Variants in TMEM196 observed in about 807,000 individuals in gnomAD.
The protein encoded by TMEM196 is transmembrane protein 196.
Under a neutral mutation model 20.0 loss-of-function variants are expected in TMEM196, and 17 were observed. The ratio of observed to expected loss-of-function variants is 0.85; its 90% CI spans 0.58 to 1.27. The LOEUF is 1.27. Among genes scored for constraint, TMEM196 ranks in the 50% most tolerant of loss-of-function variants. The pLI is 0.00. For missense variants in TMEM196, 267 were observed against 223.0 expected (o/e 1.20, Z -1.26); for synonymous variants, 113 against 88.9 (o/e 1.27, Z -1.52).
chr7:19,754,127 G>T (rs1025788521), intron 1 of TMEM196, among the ~76,000 whole-genome samples: 3 of 152,154 alleles, frequency 2.0e-5, no homozygotes, highest in Admixed American at 1.3e-4. Context: ...CCATTTTCTG[G>T]CTGTGTGGCT....
At chr7:19,747,290 AAAT>A (rs1784793612) in intron 1 of TMEM196, among the ~76,000 whole-genome samples, 3 of 149,356 alleles carry the variant, frequency 2.0e-5, no homozygotes, top group Non-Finnish European at 4.4e-5. Flanking sequence ...TAAAAATAAA[AAAT>A]AAAAATAAAA....
chr7:19,772,836 A>C lies in TMEM196; in HGVS notation c.-140T>G. 1.2e-6 allele frequency: 1 copy of C among 828,720 alleles called. No individual in the cohort carries two copies. The highest frequency in any genetic ancestry group is 1.7e-6 in the Non-Finnish European group (1 of 606,060). 51.3% of individuals were successfully genotyped at this position (828,720 alleles called of 1,614,324 possible). On this transcript the variant is annotated 5_prime_UTR_variant, in exon 1 of 5. Transcript: ENST00000405844. ...TCTTCAAGAGCGAGGCATTATCCACAAGGGCTGGATTTCCAGAAACGAAGA... is the reference window on the plus strand; with the variant it reads ...TCTTCAAGAGCGAGGCATTATCCACCAGGGCTGGATTTCCAGAAACGAAGA...
intron 4 of TMEM196, among the ~76,000 whole-genome samples, chr7:19,723,704 C>A (rs191788875): frequency 6.6e-6 from 1 of 152,232 alleles, no homozygotes; most frequent in East Asian, 1.9e-4. Flanking sequence ...CCATAGTATC[C>A]ATGTGACTTT....
At chr7:19,755,894 T>A (rs1200332452) in intron 1 of TMEM196, among the ~76,000 whole-genome samples, 1 of 152,086 alleles carries the variant, frequency 6.6e-6, no homozygotes, top group African/African-American at 2.4e-5. Flanking sequence ...CCAGGCATGC[T>A]GGCATATGCC....
chr7:19,770,127 G>T (rs1354800289), intron 1 of TMEM196, among the ~76,000 whole-genome samples: 4 of 152,114 alleles, frequency 2.6e-5, no homozygotes, highest in African/African-American at 7.2e-5. Flanking sequence ...CCAAGATCAA[G>T]AATAAAATAA....
At chr7:19,735,531 T>A (rs1379098885) in intron 1 of TMEM196, among the ~76,000 whole-genome samples, 1 of 152,202 alleles carries the variant, frequency 6.6e-6, no homozygotes, top group Admixed American at 6.5e-5. Flanking sequence ...TTACTATTCT[T>A]TTCTGTACAA....
intron 1 of TMEM196, among the ~76,000 whole-genome samples, chr7:19,736,248 G>C (rs1260965476): frequency 1.3e-5 from 2 of 150,856 alleles, no homozygotes; most frequent in Non-Finnish European, 3.0e-5. Flanking sequence ...ATATTGTGCT[G>C]ATGATTGTGT....
intron 1 of TMEM196, among the ~76,000 whole-genome samples, chr7:19,751,366 C>T (rs1784954465): frequency 6.6e-6 from 1 of 152,174 alleles, no homozygotes; most frequent in South Asian, 2.1e-4. Flanking sequence ...GAATATAAAA[C>T]CAGCACTGCT....
chr7:19,758,029 T>C (rs544573684), intron 1 of TMEM196, among the ~76,000 whole-genome samples: 1 of 151,860 alleles, frequency 6.6e-6, no homozygotes, highest in East Asian at 1.9e-4. Flanking sequence ...TTTTAATTCA[T>C]ATATATTTGA....
At chr7:19,756,585 C>T (rs1022115924) in intron 1 of TMEM196, among the ~76,000 whole-genome samples, 3 of 151,932 alleles carry the variant, frequency 2.0e-5, no homozygotes, top group African/African-American at 7.3e-5. Context: ...ATGTTCTTAT[C>T]ATTTAGCTCT....
intron 1 of TMEM196, among the ~76,000 whole-genome samples, chr7:19,742,508 A>T (rs1256046758): frequency 2.0e-5 from 3 of 152,124 alleles, no homozygotes; most frequent in Non-Finnish European, 4.4e-5. Context: ...TATCACTGAA[A>T]GTAAAGAGAC....
At chr7:19,768,427 G>A (rs182535522) in intron 1 of TMEM196, among the ~76,000 whole-genome samples, 21 of 152,074 alleles carry the variant, frequency 1.4e-4, no homozygotes, top group Admixed American at 4.6e-4. Context: ...AATTCTCAGG[G>A]ATTTATAAAT....
At chr7:19,772,494 G>C (rs532542621) in intron 1 of TMEM196, 56 bp downstream of exon 1, 544 of 1,448,534 alleles carry the variant, frequency 3.8e-4, no homozygotes, top group Admixed American at 3.0e-4. Flanking sequence ...GACCATCACC[G>C]TAAAGAGGTA....
chr7:19,747,249 C>A (rs1261255200), intron 1 of TMEM196, among the ~76,000 whole-genome samples: 1 of 128,422 alleles, frequency 7.8e-6, no homozygotes, highest in African/African-American at 3.2e-5. Context: ...AGCGAGACTC[C>A]GTCTCAAAAA....
intron 1 of TMEM196, among the ~76,000 whole-genome samples, chr7:19,764,271 C>A (rs1471376704): frequency 6.6e-6 from 1 of 152,196 alleles, no homozygotes; most frequent in Non-Finnish European, 1.5e-5. Context: ...GCTTAACTGT[C>A]TTGAACTCAT....
intron 1 of TMEM196, among the ~76,000 whole-genome samples, chr7:19,741,491 T>C (rs939391028): frequency 1.3e-5 from 2 of 152,186 alleles, no homozygotes; most frequent in African/African-American, 4.8e-5. Flanking sequence ...ATCCAGTTAA[T>C]TTAAACATTT....
chr7:19,763,851 T>C (rs868148276), intron 1 of TMEM196, among the ~76,000 whole-genome samples: 8 of 152,150 alleles, frequency 5.3e-5, no homozygotes, highest in African/African-American at 1.4e-4. Flanking sequence ...CTCCATGAGA[T>C]AAGTGATAGT....
At chr7:19,763,716 C>G (rs1785519999) in intron 1 of TMEM196, among the ~76,000 whole-genome samples, 1 of 152,130 alleles carries the variant, frequency 6.6e-6, no homozygotes, top group African/African-American at 2.4e-5. Flanking sequence ...AAACCACACA[C>G]AGATTATAGA....
intron 1 of TMEM196, among the ~76,000 whole-genome samples, chr7:19,756,087 CA>C (rs34239969): frequency 1.2e-3 from 170 of 143,716 alleles, no homozygotes; most frequent in Middle Eastern, 3.5e-3. Context: ...TTCTTTTGAT[CA>C]AAAAAAAAAA....
Sources: gnomAD v4.1 joint callset for allele counts (sites outside exome capture counted in the v4.1 genomes callset) on GRCh38, gnomAD v4.1.1 for gene constraint, MANE v1.5 for transcripts, NCBI Gene and HGNC (gene_info 2026-07-23, HGNC 2026-07-21) for gene names.